Variants in BRD4 observed in about 807,000 individuals in gnomAD.
BRD4 encodes bromodomain-containing protein 4.
BRD4 carries 16 observed loss-of-function variants against 142.1 expected under a neutral mutation model. The ratio of observed to expected loss-of-function variants is 0.11; its 90% CI spans 0.08 to 0.17. BRD4 has a LOEUF of 0.17. BRD4 is among the 10% of genes least tolerant of loss of function. The pLI, the probability that BRD4 is intolerant of heterozygous loss-of-function variation, is 1.00. For missense variants in BRD4, 1,424 were observed against 1,810.9 expected (o/e 0.79, Z 3.88); for synonymous variants, 833 against 707.5 (o/e 1.18, Z -2.82).
At chr19:15,297,738 G>A (rs910477679) in intron 1 of BRD4, among the ~76,000 whole-genome samples, 2 of 152,118 alleles carry the variant, frequency 1.3e-5, no homozygotes, top group Non-Finnish European at 1.5e-5. Context: ...CTAACCAGGC[G>A]TCCTCACTTC....
In BRD4 at chr19:15,298,620, C is replaced by CAAAAA. The variant is rs57719337; in HGVS notation, c.-34-25492_-34-25488dup. 7.4e-4 allele frequency among the ~76,000 whole-genome samples: 49 copies of CAAAAA among 66,038 alleles called. 5 individuals are homozygous for CAAAAA. Among genetic ancestry groups the CAAAAA allele is most frequent in the East Asian group, 1.8e-3 (4 of 2,224 alleles). The allele number at this position is 66,038 out of a possible 152,430, so 43.3% of individuals were successfully genotyped here. On this transcript the variant is annotated intron_variant, in intron 1 of 19. Coordinates refer to ENST00000679869, the MANE Select transcript of BRD4 (RefSeq NM_001379291.1). Reference sequence around the variant, plus strand: ...TGGGCAACAGGGCGAGACTCCAACTCAAAAAAAAAAAAAAAAAAAAAAAAA... The same window carrying CAAAAA: ...TGGGCAACAGGGCGAGACTCCAACTCAAAAAAAAAAAAAAAAAAAAAAAAAAAAAA...
intron 1 of BRD4, among the ~76,000 whole-genome samples, chr19:15,307,127 T>C (rs539866279): frequency 6.6e-6 from 1 of 152,090 alleles, no homozygotes; most frequent in Admixed American, 6.5e-5. Flanking sequence ...GAAGCAGAGG[T>C]GACTGAACTG....
At chr19:15,317,544 C>T (rs948221434) in intron 1 of BRD4, among the ~76,000 whole-genome samples, 1 of 152,148 alleles carries the variant, frequency 6.6e-6, no homozygotes, top group Non-Finnish European at 1.5e-5. Flanking sequence ...TTGCTACAAA[C>T]CCTGAACTTT....
rs1396394059 is a variant in BRD4 at position 15,242,909 on chromosome 19, A to G, written c.3160T>C (p.Tyr1054His). The change falls in exon 14 of 20, where the codon TAC becomes CAC. Residue 1054 changes from tyrosine (Y) to histidine (H), a missense_variant. Coordinates refer to ENST00000679869, the MANE Select transcript of BRD4 (RefSeq NM_001379291.1). Reference protein sequence around the residue: ...HSPRHHKSDPYSTGHLREAPS... With the variant: ...HSPRHHKSDPHSTGHLREAPS... ...GGTGAGGACCACTTACCGGTTGAGT[A>G]GGGGTCCGACTTGTGGTGCCGGGGT... 1 of 1,573,260 alleles carries G rather than the reference A, an allele frequency of 6.4e-7. No individual in the cohort carries two copies. The highest frequency in any genetic ancestry group is 8.6e-7 in the Non-Finnish European group (1 of 1,158,226).
chr19:15,319,695 G>A lies in BRD4; in HGVS notation c.-35+12595C>T, dbSNP rs141617302. On this transcript the variant is annotated intron_variant, in intron 1 of 19. Transcript: ENST00000679869. Reference sequence around the variant, plus strand: ...GCCTGTAATCCCAGCACTTTAGGAGGCCTAAGCAGATGAACTGCTTAAGCC... The same window carrying A: ...GCCTGTAATCCCAGCACTTTAGGAGACCTAAGCAGATGAACTGCTTAAGCC... Among the ~76,000 whole-genome samples, 1,270 of 152,176 alleles carry A rather than the reference G, an allele frequency of 8.3e-3. 13 individuals are homozygous for A. The highest frequency in any genetic ancestry group is 0.012 in the Non-Finnish European group (799 of 67,998).
intron 1 of BRD4, among the ~76,000 whole-genome samples, chr19:15,302,319 T>A (rs539014304): frequency 6.6e-5 from 10 of 152,254 alleles, no homozygotes; most frequent in African/African-American, 2.4e-4. Flanking sequence ...GACCTGCAAG[T>A]GCAGCAGGCA....
chr19:15,274,834 T>C (rs2047628549), intron 1 of BRD4, among the ~76,000 whole-genome samples: 1 of 151,568 alleles, frequency 6.6e-6, no homozygotes, highest in Admixed American at 6.6e-5. Context: ...TCACCAGGCC[T>C]AGATAGGCCC....
Position 15,243,097 on chromosome 19 carries a change from T to C in BRD4, c.2972A>G (p.Gln991Arg). Reference protein sequence around the residue: ...QPQPPPQQQHQPPPRPVHLQP... With the variant: ...QPQPPPQQQHRPPPRPVHLQP... ...CAAGTGCACGGGCCGTGGAGGGGGC[T>C]GATGCTGCTGCTGGGGTGGAGGCTG... Residue 991 changes from glutamine (Q) to arginine (R), a missense_variant, in exon 14 of 20, where the codon CAG (glutamine) becomes CGG (arginine). By Grantham distance (43) the Gln-to-Arg change is conservative. Around this residue, in one of 16 missense-constraint regions of BRD4, gnomAD observed 598 missense variants for 647.8 expected, o/e 0.92. Coordinates refer to ENST00000679869, the MANE Select transcript of BRD4 (RefSeq NM_001379291.1). 1 of 1,461,500 alleles carries C rather than the reference T, an allele frequency of 6.8e-7. No homozygotes were observed. The highest frequency in any genetic ancestry group is 1.4e-5 in the South Asian group (1 of 72,268). 90.5% of individuals were successfully genotyped at this position (1,461,500 alleles called of 1,614,324 possible). A position where few individuals can be genotyped will look rare whatever the true frequency, so the allele number is the denominator to read the frequency against.
intron 11 of BRD4, among the ~76,000 whole-genome samples, chr19:15,251,382 G>A (rs1030393342): frequency 8.2e-5 from 10 of 122,524 alleles, no homozygotes; most frequent in African/African-American, 3.2e-4. Flanking sequence ...TAGTATAAGT[G>A]ACAAAAATAG....
rs567279673 is a variant in BRD4, at chr19:15,257,070, G to A, written c.1445C>T (p.Pro482Leu). ...AVPPPTKVVA[P>L]PSSSDSSSDS... ...GCTGCTGCTGTCGCTGGATGAGGGC[G>A]GGGCCACAACCTTGGTGGGAGGGGG... Residue 482 changes from proline to leucine, a missense_variant, in exon 8 of 20, where the codon CCG becomes CTG. Pro to Leu is a moderately conservative substitution (Grantham distance 98). Coordinates refer to ENST00000679869, the MANE Select transcript of BRD4 (RefSeq NM_001379291.1). 1.3e-4 allele frequency: 201 copies of A among 1,605,182 alleles called. No homozygotes were observed. The highest frequency in any genetic ancestry group is 7.5e-4 in the Admixed American group (44 of 58,842).
At chr19:15,307,726 T>C (rs559178430) in intron 1 of BRD4, among the ~76,000 whole-genome samples, 7 of 152,146 alleles carry the variant, frequency 4.6e-5, no homozygotes, top group South Asian at 2.1e-4. Context: ...CTGGGCTATA[T>C]TGCATGGTGC....
chr19:15,306,174 G>A (rs185777446), intron 1 of BRD4, among the ~76,000 whole-genome samples: 1 of 152,336 alleles, frequency 6.6e-6, no homozygotes, highest in African/African-American at 2.4e-5. Flanking sequence ...ATTCACTGGA[G>A]TCACACTTTT....
At chr19:15,276,631 A>T (rs2047649611) in intron 1 of BRD4, among the ~76,000 whole-genome samples, 1 of 152,164 alleles carries the variant, frequency 6.6e-6, no homozygotes, top group South Asian at 2.1e-4. Context: ...CCCAGCACAC[A>T]GGAGGTGAAC....
chr19:15,328,519 G>A (rs769320750), intron 1 of BRD4, among the ~76,000 whole-genome samples: 2 of 152,130 alleles, frequency 1.3e-5, no homozygotes, highest in East Asian at 1.9e-4. Context: ...ACAACACCGA[G>A]GGACCCCAGC....
Position 15,235,878 on chromosome 19 carries a change from A to G in BRD4, c.*2499T>C, listed in dbSNP as rs2047188672. ...ATGGCTGAGTTAAATCTTCAGCAGG[A>G]AGCTGCAGAGAAAACTATCCAGCTC... On this transcript the variant is annotated 3_prime_UTR_variant, in exon 20 of 20. Transcript: ENST00000679869. 6.6e-6 allele frequency: 1 copy of G among 152,240 alleles called. No individual in the cohort carries two copies. Among genetic ancestry groups the G allele is most frequent in the African/African-American group, 2.4e-5 (1 of 41,466 alleles). The allele number at this position is 152,240 out of a possible 1,614,324, so 9.4% of individuals were successfully genotyped here.
intron 1 of BRD4, among the ~76,000 whole-genome samples, chr19:15,307,634 G>C (rs1568406417): frequency 1.3e-5 from 2 of 152,132 alleles, no homozygotes; most frequent in African/African-American, 4.8e-5. Flanking sequence ...AAGGAAAAAA[G>C]CCTGGGCGCG....
At chr19:15,277,911 C>T (rs1393924317) in intron 1 of BRD4, among the ~76,000 whole-genome samples, 1 of 151,288 alleles carries the variant, frequency 6.6e-6, no homozygotes, top group Non-Finnish European at 1.5e-5. Context: ...CCGAGACCAT[C>T]CTGGCTAACA....
intron 1 of BRD4, among the ~76,000 whole-genome samples, chr19:15,331,629 C>T (rs1041662932): frequency 1.3e-5 from 2 of 152,164 alleles, no homozygotes; most frequent in Admixed American, 6.5e-5. Flanking sequence ...AGGGGACCTG[C>T]CCCTTTCTCC....
At chr19:15,266,776 C>T (rs1042605801) in intron 4 of BRD4, among the ~76,000 whole-genome samples, 1 of 152,204 alleles carries the variant, frequency 6.6e-6, no homozygotes, top group Admixed American at 6.5e-5. Flanking sequence ...GACCACCTCG[C>T]AAATGTCACC....
Sources: allele counts gnomAD v4.1 joint callset (sites outside exome capture counted in the v4.1 genomes callset), GRCh38; gene constraint gnomAD v4.1.1; regional missense constraint gnomAD v4.1.1; transcripts MANE v1.5; gene names NCBI Gene and HGNC (gene_info 2026-07-23, HGNC 2026-07-21).